The following LAMA2 variants were observed in gnomAD, a reference collection of about 807,000 sequenced individuals.
The protein encoded by LAMA2 is laminin subunit alpha 2.
LAMA2 carries 269 observed loss-of-function variants against 364.8 expected under a neutral mutation model. The observed-to-expected ratio is 0.74, with a 90% CI of 0.67 to 0.82. The LOEUF (loss-of-function observed/expected upper bound fraction) is 0.82, where lower values mean the gene tolerates loss of function less well. Ranked by LOEUF, LAMA2 falls within the 40% of genes least tolerant of loss-of-function variation. The probability of loss-of-function intolerance (pLI) is 0.00; values close to 1 mark genes in which losing one functional copy is unlikely to be tolerated. For missense variants in LAMA2, 3,807 were observed against 3,873.2 expected, an observed-to-expected ratio of 0.98 and a Z score of 0.45; for synonymous variants, 1,379 against 1,370.6, an observed-to-expected ratio of 1.01 and a Z score of -0.14.
At chr6:129,423,213 C>T (rs1350684911) in intron 40 of LAMA2, among the ~76,000 whole-genome samples, 2 of 151,562 alleles carry the variant, frequency 1.3e-5, no homozygotes, top group Non-Finnish European at 2.9e-5. Context: ...TTTAAAAAAA[C>T]CTAACAGCTA....
intron 12 of LAMA2, 56 bp from the exon 13 acceptor site, chr6:129,250,056 A>C: frequency 9.6e-7 from 1 of 1,037,642 alleles, no homozygotes; most frequent in Non-Finnish European, 1.5e-6. Context: ...TAAGTAAAAT[A>C]TGATTTAATA....
chr6:129,071,902 C>A (rs1200119739), intron 3 of LAMA2, among the ~76,000 whole-genome samples: 1 of 152,080 alleles, frequency 6.6e-6, no homozygotes, highest in East Asian at 1.9e-4. Flanking sequence ...CCAAGGCAGG[C>A]GGATGGCTTG....
chr6:128,975,746 T>C (rs1782491943), intron 1 of LAMA2, among the ~76,000 whole-genome samples: 2 of 152,226 alleles, frequency 1.3e-5, no homozygotes, highest in Non-Finnish European at 2.9e-5. Flanking sequence ...TGCCACCATG[T>C]AAGACGTGAC....
chr6:129,283,447 G>T (rs2114401459), intron 18 of LAMA2, among the ~76,000 whole-genome samples: 1 of 151,958 alleles, frequency 6.6e-6, no homozygotes, highest in South Asian at 2.1e-4. Flanking sequence ...AAGTTCATCT[G>T]GTGGATTCTA....
intron 37 of LAMA2, among the ~76,000 whole-genome samples, chr6:129,395,671 C>T (rs973534280): frequency 8.5e-5 from 13 of 152,190 alleles, no homozygotes; most frequent in Non-Finnish European, 1.6e-4. Context: ...CAAACCACTC[C>T]ATACGCTACC....
rs188069926 is a variant in LAMA2 at position 129,486,592 on chromosome 6, A to C, written c.7868A>C (p.Glu2623Ala). ...CCGAATCTGTTTCATGATGGAAGAG[A>C]ACATTCCGTTCATGTAGAGCGAACT... The part of the protein sequence containing the change: ...PEPNLFHDGR[E>A]HSVHVERTRG... Residue 2623 changes from glutamate (E) to alanine (A), a missense_variant, in exon 56 of 65, where the codon GAA (glutamate) becomes GCA (alanine). By Grantham distance (107) the Glu-to-Ala change is moderately radical. Around this residue, in one of 3 missense-constraint regions of LAMA2, gnomAD observed 3,333 missense variants for 3,345.7 expected, o/e 1.00. Transcript: ENST00000421865. 7.4e-6 allele frequency: 12 copies of C among 1,613,946 alleles called. No homozygotes were observed. In the East Asian group the frequency reaches 2.5e-4, roughly 33 times the overall value.
intron 39 of LAMA2, among the ~76,000 whole-genome samples, chr6:129,403,205 C>T: frequency 6.6e-6 from 1 of 152,168 alleles, no homozygotes; most frequent in East Asian, 1.9e-4. Flanking sequence ...TTAATACTTA[C>T]TGTTATAAAG....
At chr6:129,336,759 G>A (rs1443238659) in intron 29 of LAMA2, among the ~76,000 whole-genome samples, 1 of 152,134 alleles carries the variant, frequency 6.6e-6, no homozygotes, top group Non-Finnish European at 1.5e-5. Context: ...AGGTTGATGG[G>A]CATATACGTT....
rs1786648180 is a variant in LAMA2, at chr6:129,512,267, T to A, written c.8858-96T>A. On this transcript the variant is annotated intron_variant, in intron 62 of 64. Transcript: ENST00000421865. ...GCCCTCATTAGAATTAGCTAGCATT[T>A]GAATTGAAATATAATAAAAAGTCAT... 11 of 1,218,692 alleles carry A rather than the reference T, an allele frequency of 9.0e-6. No homozygotes were observed. The South Asian group carries it at 1.4e-4, about 16-fold the overall frequency. The allele number at this position is 1,218,692 out of a possible 1,614,324, so 75.5% of individuals were successfully genotyped here.
At chr6:129,170,077 C>T (rs1350916926) in intron 9 of LAMA2, among the ~76,000 whole-genome samples, 25 of 151,526 alleles carry the variant, frequency 1.6e-4, no homozygotes, top group African/African-American at 3.9e-4. Flanking sequence ...GTCTTGCTAG[C>T]GGTCTATCAA....
In LAMA2 at chr6:129,328,416, G is replaced by A; in HGVS notation, c.4311+4G>A. 6.2e-7 allele frequency: 1 copy of A among 1,614,146 alleles called. No homozygotes were observed. Among genetic ancestry groups the A allele is most frequent in the Admixed American group, 1.7e-5 (1 of 60,022 alleles). On this transcript the variant is annotated splice_donor_region_variant and intron_variant, in intron 29 of 64. Coordinates refer to ENST00000421865, the MANE Select transcript of LAMA2 (RefSeq NM_000426.4). ...CCCTGAAACATCGATATGCCAGGTA[G>A]TCCTCTGAGCCTTCCTTGAACAAGG...
At chr6:129,027,070 C>T (rs1248033836) in intron 1 of LAMA2, among the ~76,000 whole-genome samples, 1 of 151,796 alleles carries the variant, frequency 6.6e-6, no homozygotes, top group Admixed American at 6.6e-5. Context: ...AGTAATAACC[C>T]CTAAATTGAA....
intron 1 of LAMA2, chr6:128,929,409 C>T: frequency 1.1e-6 from 1 of 886,288 alleles, no homozygotes; most frequent in South Asian, 1.3e-5. Flanking sequence ...GATAGCACAC[C>T]TCCATCTTTG....
chr6:128,928,998 G>T, intron 1 of LAMA2: 2 of 1,258,668 alleles, frequency 1.6e-6, no homozygotes, highest in South Asian at 1.2e-5. Context: ...AGGAGCAGAA[G>T]GAGTTAGATG....
At chr6:128,980,562 G>A (rs78611355) in intron 1 of LAMA2, among the ~76,000 whole-genome samples, 5,524 of 152,188 alleles carry the variant, frequency 0.036, 326 homozygotes, top group African/African-American at 0.12. Context: ...TTAAGTTTAG[G>A]AAACTGATGT....
At chr6:129,010,933 G>A (rs974513555) in intron 1 of LAMA2, among the ~76,000 whole-genome samples, 7 of 151,922 alleles carry the variant, frequency 4.6e-5, no homozygotes, top group South Asian at 2.1e-4. Context: ...CTATATATTC[G>A]CGTGTTCACT....
chr6:129,046,291 G>T (rs947219854), intron 1 of LAMA2, among the ~76,000 whole-genome samples: 2 of 152,112 alleles, frequency 1.3e-5, no homozygotes, highest in Non-Finnish European at 2.9e-5. Flanking sequence ...TACTAATAAA[G>T]ACATACCCAA....
chr6:129,340,856 AAAAAGAAAAG>A (rs201950207), intron 29 of LAMA2, among the ~76,000 whole-genome samples: 5 of 149,782 alleles, frequency 3.3e-5, no homozygotes, highest in South Asian at 2.1e-4. Context: ...AAAAAAAGAG[AAAAAGAAAAG>A]AAAAGAAAAG....
intron 1 of LAMA2, among the ~76,000 whole-genome samples, chr6:128,888,862 C>G (rs1189389869): frequency 6.6e-6 from 1 of 152,172 alleles, no homozygotes; most frequent in African/African-American, 2.4e-5. Context: ...CAAATACGCA[C>G]TAATCCATGG....
Sources: gnomAD v4.1 joint callset for allele counts (sites outside exome capture counted in the v4.1 genomes callset) on GRCh38, gnomAD v4.1.1 for gene constraint, gnomAD v4.1.1 regional missense constraint, MANE v1.5 for transcripts, NCBI Gene and HGNC (gene_info 2026-07-23, HGNC 2026-07-21) for gene names.